Variants in HMGXB3 observed in about 807,000 individuals in gnomAD.
HMGXB3 encodes the protein HMG domain-containing protein 3.
HMGXB3 carries 45 observed loss-of-function variants against 121.5 expected under a neutral mutation model. The ratio of observed to expected loss-of-function variants is 0.37; its 90% CI spans 0.29 to 0.47. The LOEUF (loss-of-function observed/expected upper bound fraction) is 0.47. HMGXB3 is among the 20% of genes least tolerant of loss of function. The probability of loss-of-function intolerance (pLI) is 0.99; values close to 1 mark genes in which losing one functional copy is unlikely to be tolerated. For missense variants in HMGXB3, 1,376 were observed against 1,602.2 expected, an observed-to-expected ratio of 0.86 and a Z score of 2.41; for synonymous variants, 590 against 624.1, an observed-to-expected ratio of 0.95 and a Z score of 0.81.
chr5:150,035,108 G>A (rs185333184), intron 11 of HMGXB3, among the ~76,000 whole-genome samples: 25 of 152,250 alleles, frequency 1.6e-4, no homozygotes, highest in Non-Finnish European at 8.8e-5. Context: ...ATAGGTATGC[G>A]GAGTTAATAA....
intron 4 of HMGXB3, 53 bp downstream of exon 4, chr5:150,010,661 G>A: frequency 6.7e-7 from 1 of 1,492,018 alleles, no homozygotes; most frequent in Non-Finnish European, 9.0e-7. Flanking sequence ...TACTTAAAGG[G>A]CAGCTAGCAC....
At chr5:150,003,832 G>A (rs1404481847) in intron 1 of HMGXB3, among the ~76,000 whole-genome samples, 1 of 151,792 alleles carries the variant, frequency 6.6e-6, no homozygotes, top group African/African-American at 2.4e-5. Context: ...GACATCACCT[G>A]TAGTCCCAGC....
At position 150,048,632 on chromosome 5, in the gene HMGXB3, C is replaced by T. The variant is rs368654902; in HGVS notation, c.3148C>T (p.Arg1050Trp). 272 of 1,551,824 alleles carry T rather than the reference C, an allele frequency of 1.8e-4. 1 individual carries two copies. The African/African-American group carries it at 2.8e-3, about 16-fold the overall frequency. The change falls in exon 18 of 20, where the codon CGG becomes TGG. Residue 1050 changes from arginine (R) to tryptophan (W), a missense_variant. By Grantham distance (101) the Arg-to-Trp change is moderately radical. This residue lies in a region of HMGXB3 where 1,116 missense variants were observed against 1,369.0 expected (regional missense o/e 0.82). Transcript: ENST00000502717. ...ESVQNGARAI[R>W]PPRHFTGGKI... ...TGTACAGAATGGAGCTAGAGCTATA[C>T]GGCCCCCACGTCACTTCACAGGTGG...
chr5:150,027,988 G>C (rs1168347767), intron 9 of HMGXB3, among the ~76,000 whole-genome samples: 1 of 152,170 alleles, frequency 6.6e-6, no homozygotes, highest in African/African-American at 2.4e-5. Flanking sequence ...AGCTTATTTT[G>C]CCAAAATTGA....
At chr5:150,019,124 G>GT (rs1404616332) in intron 6 of HMGXB3, among the ~76,000 whole-genome samples, 1 of 150,680 alleles carries the variant, frequency 6.6e-6, no homozygotes, top group Non-Finnish European at 1.5e-5. Flanking sequence ...TTTTCTTTCT[G>GT]TTTTTTCGTG....
At chr5:150,002,635 T>C (rs1336449332) in intron 1 of HMGXB3, among the ~76,000 whole-genome samples, 8 of 152,256 alleles carry the variant, frequency 5.3e-5, no homozygotes, top group Middle Eastern at 6.8e-3. Context: ...GATTGAGACT[T>C]GTGGTAAAAG....
chr5:150,012,812 A>G (rs1755872668), intron 5 of HMGXB3, among the ~76,000 whole-genome samples: 1 of 152,176 alleles, frequency 6.6e-6, no homozygotes, highest in South Asian at 2.1e-4. Flanking sequence ...TTTTTTCAGC[A>G]TCGGGGCTGA....
At position 150,026,724 on chromosome 5, in the gene HMGXB3, T is replaced by C; in HGVS notation, c.1479T>C (p.Pro493=). ...TTTTCAGAGCTGACCTGCTTACCCC[T>C]GGGTCCAGAGCTCCAGAGCTTAAAG... ...KKPTGADLLT[P]GSRAPELKGR... is the part of the protein sequence containing the mutation. The change falls in exon 8 of 20, where the codon CCT becomes CCC. Residue 493 remains proline, a synonymous_variant. Coordinates refer to ENST00000502717, the MANE Select transcript of HMGXB3 (RefSeq NM_014983.3). 6.4e-7 allele frequency: 1 copy of C among 1,551,096 alleles called. No individual in the cohort carries two copies. The highest frequency in any genetic ancestry group is 2.4e-5 in the East Asian group (1 of 40,924).
chr5:150,046,398 A>G (rs1394977153), intron 16 of HMGXB3, among the ~76,000 whole-genome samples: 1 of 152,212 alleles, frequency 6.6e-6, no homozygotes, highest in Non-Finnish European at 1.5e-5. Context: ...TTCCCAAAAC[A>G]GTATTTTTCT....
intron 4 of HMGXB3, among the ~76,000 whole-genome samples, chr5:150,011,560 C>T (rs994689953): frequency 3.5e-4 from 53 of 150,890 alleles, no homozygotes; most frequent in African/African-American, 5.1e-4. Flanking sequence ...GATAATGAAG[C>T]GTGCAACTAG....
chr5:150,021,968 C>T (rs555355352), intron 6 of HMGXB3: 3 of 436,638 alleles, frequency 6.9e-6, no homozygotes, highest in African/African-American at 6.0e-5. Context: ...CGAGAGAGAA[C>T]AGCGGTGAGT....
intron 13 of HMGXB3, 91 bp from the exon 14 acceptor site, chr5:150,040,657 C>A: frequency 1.5e-6 from 2 of 1,347,360 alleles, no homozygotes. Flanking sequence ...CAACTACAGG[C>A]ACGTGCCACC....
intron 6 of HMGXB3, among the ~76,000 whole-genome samples, chr5:150,023,914 C>T (rs1454747873): frequency 6.6e-6 from 1 of 152,236 alleles, no homozygotes; most frequent in Admixed American, 6.5e-5. Flanking sequence ...ATGTCACCCT[C>T]TTTCTAGACA....
intron 13 of HMGXB3, among the ~76,000 whole-genome samples, chr5:150,038,696 A>G (rs1022561030): frequency 1.3e-5 from 2 of 152,224 alleles, no homozygotes; most frequent in East Asian, 1.9e-4. Context: ...GAAAGCAATT[A>G]TGGCACGTAG....
chr5:150,032,373 G>A (rs1378653511), intron 10 of HMGXB3, 81 bp from the exon 11 acceptor site: 9 of 1,328,102 alleles, frequency 6.8e-6, no homozygotes. Context: ...TGATTTACTG[G>A]CAGCTGCTCA....
Position 150,027,047 on chromosome 5 carries a change from G to T in HMGXB3, c.1664G>T (p.Gly555Val). The change falls in exon 9 of 20, where the codon GGT becomes GTT. Residue 555 changes from glycine to valine, a missense_variant. Gly to Val is a moderately radical substitution (Grantham distance 109). Around this residue, in one of 2 missense-constraint regions of HMGXB3, gnomAD observed 1,116 missense variants for 1,369.0 expected, o/e 0.82. Coordinates refer to ENST00000502717, the MANE Select transcript of HMGXB3 (RefSeq NM_014983.3). ...SDKTPSVRTC[G>V]LKPSTLKQLG... ...AAGACTCCCTCTGTGAGGACTTGTG[G>T]TCTGAAGCCAAGCACACTGAAGCAG... 6.4e-7 allele frequency: 1 copy of T among 1,551,706 alleles called. No individual in the cohort carries two copies. The highest frequency in any genetic ancestry group is 1.2e-5 in the South Asian group (1 of 84,062).
rs1355435315 is a variant in HMGXB3 at position 150,026,839 on chromosome 5, A to G, written c.1594A>G (p.Ser532Gly). The G allele has an allele frequency of 3.9e-6, 6 of 1,537,958 alleles. No individual in the cohort carries two copies. The highest frequency in any genetic ancestry group is 4.1e-5 in the Admixed American group (2 of 48,984). The change falls in exon 8 of 20, where the codon AGC (serine) becomes GGC (glycine). Residue 532 changes from serine to glycine, a missense_variant. This residue lies in a region of HMGXB3 where 1,116 missense variants were observed against 1,369.0 expected (regional missense o/e 0.82). Transcript: ENST00000502717. ...PAPVNVGRGS[S>G]MGLPRARQAF... ...CCCAGTTAACGTGGGGCGAGGCAGC[A>G]GCATGGGACTGCCCAGGGCCAGGCA...
At chr5:150,008,918 C>CT (rs2113725603) in intron 3 of HMGXB3, among the ~76,000 whole-genome samples, 1 of 152,340 alleles carries the variant, frequency 6.6e-6, no homozygotes, top group South Asian at 2.1e-4. Context: ...CTGCTTTTAA[C>CT]TTTTCATTTC....
intron 6 of HMGXB3, among the ~76,000 whole-genome samples, chr5:150,019,826 G>T (rs1334424963): frequency 1.3e-5 from 2 of 152,132 alleles, no homozygotes; most frequent in African/African-American, 4.8e-5. Flanking sequence ...CTTCTCTGGG[G>T]CAATTTTCAC....
Sources: gnomAD v4.1 joint callset for allele counts (sites outside exome capture counted in the v4.1 genomes callset) on GRCh38, gnomAD v4.1.1 for gene constraint, gnomAD v4.1.1 regional missense constraint, MANE v1.5 for transcripts, NCBI Gene and HGNC (gene_info 2026-07-23, HGNC 2026-07-21) for gene names.